TRIM67: variants seen among roughly 807,000 people sequenced by gnomAD.
TRIM67 encodes the protein tripartite motif containing 67.
In TRIM67, 39 loss-of-function variants were observed where a neutral mutation model predicts 71.0. That is an observed-to-expected ratio of 0.55 (90% CI 0.43 to 0.72). The LOEUF is 0.72. Among genes scored for constraint, TRIM67 ranks in the 30% least tolerant of loss-of-function variants. The probability of loss-of-function intolerance (pLI) is 0.00; values close to 1 mark genes in which losing one functional copy is unlikely to be tolerated. For synonymous variants in TRIM67, 481 were observed against 473.9 expected (o/e 1.01, Z -0.19); for missense variants, 973 against 1,079.2 (o/e 0.90, Z 1.38).
chr1:231,194,474 C>T (rs1433324061), intron 1 of TRIM67, among the ~76,000 whole-genome samples: 1 of 152,064 alleles, frequency 6.6e-6, no homozygotes, highest in Non-Finnish European at 1.5e-5. Context: ...GGAAGACACA[C>T]CAACAAAGCT....
chr1:231,197,344 C>T (rs1683391727), intron 1 of TRIM67, 27 bp from the exon 2 acceptor site: 1 of 1,605,260 alleles, frequency 6.2e-7, no homozygotes, highest in Non-Finnish European at 8.5e-7. Flanking sequence ...ACTAATTTTT[C>T]TTTTCAACAT....
At position 231,209,938 on chromosome 1, in the gene TRIM67, C is replaced by G. The variant is rs946258584; in HGVS notation, c.2123+688C>G. 6.6e-6 allele frequency among the ~76,000 whole-genome samples: 1 copy of G among 152,156 alleles called. No individual in the cohort carries two copies. The highest frequency in any genetic ancestry group is 2.1e-4 in the South Asian group (1 of 4,834). On this transcript the variant is annotated intron_variant, in intron 8 of 9. Coordinates refer to ENST00000366653, the MANE Select transcript of TRIM67 (RefSeq NM_001004342.5). The surrounding 1 kb of genome is among the most constrained non-coding windows in gnomAD (Gnocchi z 4.1). ...GGGGATGGGTCCTCCAGGGCTGCCC[C>G]TGAGGCCTGGGCTTCTCTAGGGTGC...
At chr1:231,202,210 T>TGGA (rs1261323877) in intron 5 of TRIM67, among the ~76,000 whole-genome samples, 11 of 146,724 alleles carry the variant, frequency 7.5e-5, no homozygotes, top group African/African-American at 2.5e-4. Flanking sequence ...GCTGAGATAG[T>TGGA]GGAGGAGGAG....
At chr1:231,175,848 C>T (rs1682733688) in intron 1 of TRIM67, among the ~76,000 whole-genome samples, 1 of 152,212 alleles carries the variant, frequency 6.6e-6, no homozygotes, top group Non-Finnish European at 1.5e-5. Context: ...CCATTTGGGC[C>T]TCATGTGCAT....
Position 231,217,894 on chromosome 1 carries a change from G to T in TRIM67, c.*2454G>T. 7.8e-7 allele frequency: 1 copy of T among 1,289,014 alleles called. No individual in the cohort carries two copies. The highest frequency in any genetic ancestry group is 1.2e-5 in the South Asian group (1 of 80,960). The allele number at this position is 1,289,014 out of a possible 1,614,324, so 79.8% of individuals were successfully genotyped here. A position where few individuals can be genotyped will look rare whatever the true frequency, so the allele number is the denominator to read the frequency against. On this transcript the variant is annotated 3_prime_UTR_variant, in exon 10 of 10. Coordinates refer to ENST00000366653, the MANE Select transcript of TRIM67 (RefSeq NM_001004342.5). ...GGCCTCTTTCAGAAAAAAGTTCCCT[G>T]AAGTCCAGAGAGGTGCAGCCAGGAC...
intron 1 of TRIM67, among the ~76,000 whole-genome samples, chr1:231,186,393 C>G (rs1222542240): frequency 6.6e-6 from 1 of 152,188 alleles, no homozygotes; most frequent in African/African-American, 2.4e-5. Flanking sequence ...GAGCAAAGTA[C>G]CACAAACTGG....
chr1:231,221,109 G>A lies in TRIM67; in HGVS notation c.*5669G>A, dbSNP rs889871466. 3 of 152,252 alleles carry A rather than the reference G, an allele frequency of 2.0e-5. No individual in the cohort carries two copies. Among genetic ancestry groups the A allele is most frequent in the East Asian group, 1.9e-4 (1 of 5,200 alleles). 9.4% of individuals were successfully genotyped at this position (152,252 alleles called of 1,614,324 possible). On this transcript the variant is annotated 3_prime_UTR_variant, in exon 10 of 10. Transcript: ENST00000366653. ...TCAATGCATGATGTAGGATTGCTGC[G>A]TTGGCACTAAGCTGTTGTATTAAGC... is the stretch of plus-strand genomic sequence containing the variant.
chr1:231,217,920 T>G lies in TRIM67; in HGVS notation c.*2480T>G. ...AAGTCCAGAGAGGTGCAGCCAGGAC[T>G]CCCTCCTCCCCACTGCCACCCTGAG... On this transcript the variant is annotated 3_prime_UTR_variant, in exon 10 of 10. Transcript: ENST00000366653. 1 of 1,284,226 alleles carries G rather than the reference T, an allele frequency of 7.8e-7. No homozygotes were observed. The allele number at this position is 1,284,226 out of a possible 1,614,324, so 79.6% of individuals were successfully genotyped here. A position where few individuals can be genotyped will look rare whatever the true frequency, so the allele number is the denominator to read the frequency against.
intron 1 of TRIM67, 119 bp downstream of exon 1, chr1:231,164,132 C>T: frequency 8.1e-7 from 1 of 1,239,104 alleles, no homozygotes; most frequent in Non-Finnish European, 1.0e-6. Flanking sequence ...CAGGAATTAC[C>T]TCACTCATTA....
intron 1 of TRIM67, among the ~76,000 whole-genome samples, chr1:231,179,515 G>A (rs1682844236): frequency 6.6e-6 from 1 of 152,186 alleles, no homozygotes; most frequent in South Asian, 2.1e-4. Flanking sequence ...GTTGGTTAAT[G>A]TCACAGTGGT....
chr1:231,163,278 C>T lies in TRIM67; in HGVS notation c.309C>T (p.Ser103=), dbSNP rs1263729910. Residue 103 remains serine, a synonymous_variant, in exon 1 of 10, where the codon AGC becomes AGT. Transcript: ENST00000366653. Reference sequence around the variant, plus strand: ...GCGGAGACCACGCGGACAAGCTCAGCTTGTACAGCGAGACAGACAGCGGCT... The same window carrying T: ...GCGGAGACCACGCGGACAAGCTCAGTTTGTACAGCGAGACAGACAGCGGCT... ...GGGGDHADKL[S]LYSETDSGYG... 13 of 1,518,968 alleles carry T rather than the reference C, an allele frequency of 8.6e-6. No individual in the cohort carries two copies. The highest frequency in any genetic ancestry group is 1.1e-5 in the Non-Finnish European group (13 of 1,133,260). The allele number at this position is 1,518,968 out of a possible 1,614,324, so 94.1% of individuals were successfully genotyped here.
At chr1:231,176,906 CAAAA>C (rs56115614) in intron 1 of TRIM67, among the ~76,000 whole-genome samples, 37 of 74,406 alleles carry the variant, frequency 5.0e-4, no homozygotes, top group African/African-American at 1.9e-3. Flanking sequence ...TACAATCTGG[CAAAA>C]AAAAAAAAAA....
chr1:231,217,253 GTC>G lies in TRIM67; in HGVS notation c.*1817_*1818del. Reference sequence around the variant, plus strand: ...AGGAGCTGCTCGGTGCTGTGTTGCAGTCTCTGCTGCGGAGCCTGGGAGCTATC... The same window carrying G: ...AGGAGCTGCTCGGTGCTGTGTTGCAGTCTGCTGCGGAGCCTGGGAGCTATC... On this transcript the variant is annotated 3_prime_UTR_variant, in exon 10 of 10. Transcript: ENST00000366653. 1 of 986,072 alleles carries G rather than the reference GTC, an allele frequency of 1.0e-6. No individual in the cohort carries two copies. Among genetic ancestry groups the G allele is most frequent in the East Asian group, 1.1e-4 (1 of 8,814 alleles). The allele number at this position is 986,072 out of a possible 1,614,324, so 61.1% of individuals were successfully genotyped here.
chr1:231,200,819 CA>C (rs1403740566), intron 4 of TRIM67, among the ~76,000 whole-genome samples: 1 of 152,126 alleles, frequency 6.6e-6, no homozygotes, highest in Non-Finnish European at 1.5e-5. Flanking sequence ...GGGACACGTG[CA>C]AATGTCTGAT....
chr1:231,213,109 A>G (rs1213481482), intron 8 of TRIM67, among the ~76,000 whole-genome samples: 1 of 152,162 alleles, frequency 6.6e-6, no homozygotes, highest in Non-Finnish European at 1.5e-5. Context: ...CATCGACCTC[A>G]GCATCCTCAC....
rs1305192533 is a variant in TRIM67, at chr1:231,215,638, T to C, written c.*198T>C. On this transcript the variant is annotated 3_prime_UTR_variant, in exon 10 of 10. Transcript: ENST00000366653. ...CACGGGCCATGCTCACAGCTGCCAC[T>C]GTCAGTGGCAAAGGAAGGTACGTGT... The C allele has an allele frequency of 2.2e-6, 3 of 1,341,926 alleles. No individual in the cohort carries two copies. Among genetic ancestry groups the C allele is most frequent in the Admixed American group, 3.3e-5 (1 of 30,512 alleles). 83.1% of individuals were successfully genotyped at this position (1,341,926 alleles called of 1,614,324 possible). A position where few individuals can be genotyped will look rare whatever the true frequency, so the allele number is the denominator to read the frequency against.
intron 1 of TRIM67, among the ~76,000 whole-genome samples, chr1:231,185,752 T>A (rs1321527951): frequency 6.6e-6 from 1 of 151,766 alleles, no homozygotes; most frequent in Non-Finnish European, 1.5e-5. Flanking sequence ...AGGGACACGG[T>A]CAAGTAGATA....
intron 1 of TRIM67, among the ~76,000 whole-genome samples, chr1:231,187,235 G>A (rs1410967561): frequency 6.6e-6 from 1 of 152,158 alleles, no homozygotes; most frequent in Non-Finnish European, 1.5e-5. Flanking sequence ...ACCTGCCTCT[G>A]TTGGCCCCAG....
intron 8 of TRIM67, among the ~76,000 whole-genome samples, chr1:231,211,575 G>A (rs1683872022): frequency 6.6e-6 from 1 of 152,134 alleles, no homozygotes; most frequent in South Asian, 2.1e-4. Flanking sequence ...ATCCCGCCCC[G>A]GGCACCCTCG....
Sources: allele counts gnomAD v4.1 joint callset (sites outside exome capture counted in the v4.1 genomes callset), GRCh38; gene constraint gnomAD v4.1.1; non-coding constraint Gnocchi (gnomAD v3.1); transcripts MANE v1.5; gene names NCBI Gene and HGNC (gene_info 2026-07-23, HGNC 2026-07-21).